DTNBP1: variants seen among roughly 807,000 people sequenced by gnomAD.
DTNBP1 encodes the protein dysbindin.
DTNBP1 carries 35 observed loss-of-function variants against 42.8 expected under a neutral mutation model. The ratio of observed to expected loss-of-function variants is 0.82; its 90% CI spans 0.63 to 1.09. The LOEUF (loss-of-function observed/expected upper bound fraction) is 1.09. DTNBP1 is among the 50% of genes least tolerant of loss of function. The pLI, the probability that DTNBP1 is intolerant of heterozygous loss-of-function variation, is 0.00. For synonymous variants in DTNBP1, 171 were observed against 162.2 expected, an observed-to-expected ratio of 1.05 and a Z score of -0.41; for missense variants, 457 against 424.2, an observed-to-expected ratio of 1.08 and a Z score of -0.68.
chr6:15,527,838 G>A (rs543167803), intron 8 of DTNBP1, among the ~76,000 whole-genome samples: 50 of 152,260 alleles, frequency 3.3e-4, no homozygotes, highest in South Asian at 3.1e-3. Context: ...CATGGACAAC[G>A]TTATGCTGAC....
Position 15,609,362 on chromosome 6 carries a change from C to T in DTNBP1, c.488+5905G>A, listed in dbSNP as rs1041286965. Reference sequence around the variant, plus strand: ...CCTGAGACAGTCTTGCTCTGTCTCCCAGGCTGGAGTGCAGTGGTGCAATCT... The same window carrying T: ...CCTGAGACAGTCTTGCTCTGTCTCCTAGGCTGGAGTGCAGTGGTGCAATCT... On this transcript the variant is annotated intron_variant, in intron 6 of 9. Transcript: ENST00000344537. Among the ~76,000 whole-genome samples, 7 of 152,068 alleles carry T rather than the reference C, an allele frequency of 4.6e-5. No homozygotes were observed. In the East Asian group the frequency reaches 1.2e-3, roughly 25 times the overall value.
intron 4 of DTNBP1, among the ~76,000 whole-genome samples, chr6:15,631,660 G>T (rs1274764491): frequency 6.6e-6 from 1 of 152,150 alleles, no homozygotes. Flanking sequence ...ATGTGCAAGG[G>T]TTTCACAAAT....
rs772251624 is a variant in DTNBP1, at chr6:15,523,010, C to T, written c.1021G>A (p.Ala341Thr). ...CTGTCCTCACCACCATCCGGAGTGGCCTCTCTGTCAGTGTGTGATGTGGCC... is the reference window on the plus strand; with the variant it reads ...CTGTCCTCACCACCATCCGGAGTGGTCTCTCTGTCAGTGTGTGATGTGGCC... Reference protein sequence around the residue: ...ALATSHTDREATPDGGEDSDS With the variant: ...ALATSHTDRETTPDGGEDSDS Residue 341 changes from alanine (A) to threonine (T), a missense_variant, in exon 10 of 10, where the codon GCC (alanine) becomes ACC (threonine). By Grantham distance (58) the Ala-to-Thr change is moderately conservative. Transcript: ENST00000344537. 20 of 1,614,124 alleles carry T rather than the reference C, an allele frequency of 1.2e-5. No individual in the cohort carries two copies. Among genetic ancestry groups the T allele is most frequent in the Non-Finnish European group, 1.5e-5 (18 of 1,180,054 alleles).
At chr6:15,592,947 C>T in intron 7 of DTNBP1, 112 bp downstream of exon 7, 1 of 1,113,762 alleles carries the variant, frequency 9.0e-7, no homozygotes, top group South Asian at 1.5e-5. Flanking sequence ...TTAAGTTTTA[C>T]TGTTTTATGT....
chr6:15,594,419 C>T (rs984958706), intron 6 of DTNBP1, among the ~76,000 whole-genome samples: 2 of 150,828 alleles, frequency 1.3e-5, no homozygotes, highest in Admixed American at 1.3e-4. Flanking sequence ...AAGCCAAGAT[C>T]GTACCACTGC....
chr6:15,557,709 A>G (rs1468748386), intron 7 of DTNBP1, among the ~76,000 whole-genome samples: 5 of 152,180 alleles, frequency 3.3e-5, no homozygotes, highest in Non-Finnish European at 7.4e-5. Context: ...GAGGCAGGAA[A>G]AAAGAGATTG....
At chr6:15,574,272 G>T (rs1775469444) in intron 7 of DTNBP1, among the ~76,000 whole-genome samples, 1 of 152,344 alleles carries the variant, frequency 6.6e-6, no homozygotes, top group African/African-American at 2.4e-5. Flanking sequence ...AAACACTGGT[G>T]GAGGCATCCT....
At chr6:15,524,380 A>T (rs1772195603) in intron 9 of DTNBP1, 146 bp downstream of exon 9, 2 of 1,613,838 alleles carry the variant, frequency 1.2e-6, no homozygotes, top group African/African-American at 2.7e-5. Context: ...AGCCGTGTGG[A>T]ACCGTGGGGT....
At chr6:15,595,263 T>A in intron 6 of DTNBP1, 1 of 329,452 alleles carries the variant, frequency 3.0e-6, no homozygotes, top group Non-Finnish European at 5.6e-6. Flanking sequence ...TTTTTTTTTT[T>A]TTTTTTTTTT....
At chr6:15,613,161 T>C (rs1169586723) in intron 6 of DTNBP1, among the ~76,000 whole-genome samples, 1 of 151,564 alleles carries the variant, frequency 6.6e-6, no homozygotes, top group Non-Finnish European at 1.5e-5. Context: ...TAAAAAAAAT[T>C]TGCTGGGCGT....
chr6:15,600,115 C>T (rs921606745), intron 6 of DTNBP1, among the ~76,000 whole-genome samples: 1 of 152,102 alleles, frequency 6.6e-6, no homozygotes, highest in Non-Finnish European at 1.5e-5. Context: ...GCCCTAAAAT[C>T]TCAATCCATC....
intron 1 of DTNBP1, among the ~76,000 whole-genome samples, chr6:15,657,523 C>T (rs1431445242): frequency 6.6e-6 from 1 of 152,162 alleles, no homozygotes; most frequent in Non-Finnish European, 1.5e-5. Context: ...TCCCTCTACC[C>T]CATCCCCTAT....
At chr6:15,560,236 G>A (rs533433759) in intron 7 of DTNBP1, among the ~76,000 whole-genome samples, 1 of 152,206 alleles carries the variant, frequency 6.6e-6, no homozygotes, top group Non-Finnish European at 1.5e-5. Context: ...AACCCAGGAA[G>A]TGGAGCTTGC....
intron 6 of DTNBP1, among the ~76,000 whole-genome samples, chr6:15,613,890 A>T (rs1167688909): frequency 6.6e-6 from 1 of 152,150 alleles, no homozygotes; most frequent in Non-Finnish European, 1.5e-5. Context: ...TCCACAGGCC[A>T]CCCATATCAG....
chr6:15,595,477 G>A lies in DTNBP1; in HGVS notation c.489-2396C>T, dbSNP rs572501839. 5.9e-5 allele frequency among the ~76,000 whole-genome samples: 9 copies of A among 152,036 alleles called. No homozygotes were observed. The South Asian group carries it at 1.9e-3, about 32-fold the overall frequency. ...AGATGGGGTTTCACCATGTTGGCCA[G>A]ACTGGCCTCAAACTCCTGACCTCAG... On this transcript the variant is annotated intron_variant, in intron 6 of 9. Transcript: ENST00000344537.
intron 6 of DTNBP1, among the ~76,000 whole-genome samples, chr6:15,613,060 C>A (rs779888722): frequency 5.9e-5 from 9 of 152,022 alleles, no homozygotes; most frequent in Non-Finnish European, 1.3e-4. Flanking sequence ...GTAATCCCAG[C>A]ACTTTGGGAG....
chr6:15,609,704 A>AT (rs1758287176), intron 6 of DTNBP1, among the ~76,000 whole-genome samples: 1 of 152,090 alleles, frequency 6.6e-6, no homozygotes, highest in Admixed American at 6.5e-5. Context: ...TAGTCTACGT[A>AT]TTTCAGTTGT....
intron 8 of DTNBP1, among the ~76,000 whole-genome samples, chr6:15,531,772 T>C (rs1008363006): frequency 6.6e-6 from 1 of 152,228 alleles, no homozygotes. Context: ...TAGCTGGGAC[T>C]ACAGGCACAT....
At chr6:15,528,337 A>C (rs11966778) in intron 8 of DTNBP1, among the ~76,000 whole-genome samples, 3,608 of 152,154 alleles carry the variant, frequency 0.024, 143 homozygotes, top group African/African-American at 0.081. Flanking sequence ...GGGGTGTTTA[A>C]CTGCATCCCT....
Sources: gnomAD v4.1 joint callset for allele counts (sites outside exome capture counted in the v4.1 genomes callset) on GRCh38, gnomAD v4.1.1 for gene constraint, MANE v1.5 for transcripts, NCBI Gene and HGNC (gene_info 2026-07-23, HGNC 2026-07-21) for gene names.